HIVEP2: variants seen among roughly 807,000 people sequenced by gnomAD.
HIVEP2 encodes the protein HIVEP zinc finger 2.
In HIVEP2, 14 loss-of-function variants were observed where a neutral mutation model predicts 180.7. The ratio of observed to expected loss-of-function variants is 0.08; its 90% CI spans 0.05 to 0.12. The LOEUF is 0.12. Ranked by LOEUF, HIVEP2 falls within the 10% of genes least tolerant of loss-of-function variation. The pLI, the probability that HIVEP2 is intolerant of heterozygous loss-of-function variation, is 1.00. For missense variants in HIVEP2, 2,579 were observed against 3,008.5 expected (o/e 0.86, Z 3.34); for synonymous variants, 1,184 against 1,136.4 (o/e 1.04, Z -0.84).
At chr6:142,819,020 G>A (rs1776951173) in intron 2 of HIVEP2, among the ~76,000 whole-genome samples, 1 of 144,422 alleles carries the variant, frequency 6.9e-6, no homozygotes, top group African/African-American at 2.6e-5. Flanking sequence ...AGGGAAAGAA[G>A]GGAGGCAGGG....
chr6:142,843,059 C>T (rs1198452561), intron 1 of HIVEP2, among the ~76,000 whole-genome samples: 1 of 152,194 alleles, frequency 6.6e-6, no homozygotes, highest in Non-Finnish European at 1.5e-5. Context: ...AGGGCCTCTA[C>T]CCTTTCCCAA....
At chr6:142,935,295 C>G (rs183742446) in intron 1 of HIVEP2, among the ~76,000 whole-genome samples, 2 of 152,180 alleles carry the variant, frequency 1.3e-5, no homozygotes, top group African/African-American at 2.4e-5. Flanking sequence ...TGCCTGTAAT[C>G]CCCGCACTTT....
intron 1 of HIVEP2, among the ~76,000 whole-genome samples, chr6:142,903,692 T>TAACAA (rs1265974113): frequency 1.3e-5 from 2 of 152,190 alleles, no homozygotes; most frequent in Non-Finnish European, 2.9e-5. Flanking sequence ...ATATCAAGGT[T>TAACAA]AACAAAACAA....
At position 142,945,020 on chromosome 6, in the gene HIVEP2, G is replaced by C. The variant is rs979306715; in HGVS notation, c.-641+79C>G. 1 of 147,478 alleles carries C rather than the reference G, an allele frequency of 6.8e-6. No individual in the cohort carries two copies. Among genetic ancestry groups the C allele is most frequent in the Non-Finnish European group, 1.5e-5 (1 of 66,358 alleles). The allele number at this position is 147,478 out of a possible 1,614,324, so 9.1% of individuals were successfully genotyped here. A position where few individuals can be genotyped will look rare whatever the true frequency, so the allele number is the denominator to read the frequency against. The stretch of plus-strand genomic sequence containing the variant: ...GCGCCTTCGCTGCGCTCGCTCGGCC[G>C]CAGGCCGGCGGCCCGGGCCTCGCGC... On this transcript the variant is annotated intron_variant, in intron 1 of 9. Transcript: ENST00000367603. This position sits in a 1 kb window ranked among gnomAD's most constrained non-coding sequence, Gnocchi z 5.5.
At chr6:142,883,817 A>T (rs1272434012) in intron 1 of HIVEP2, among the ~76,000 whole-genome samples, 1 of 152,118 alleles carries the variant, frequency 6.6e-6, no homozygotes, top group Non-Finnish European at 1.5e-5. Flanking sequence ...ACTACTAATA[A>T]CTCAAAACTC....
At chr6:142,907,825 T>C (rs1339504291) in intron 1 of HIVEP2, among the ~76,000 whole-genome samples, 1 of 152,206 alleles carries the variant, frequency 6.6e-6, no homozygotes, top group Non-Finnish European at 1.5e-5. Flanking sequence ...TGTACTTTGA[T>C]GGCCTTAAAG....
intron 1 of HIVEP2, among the ~76,000 whole-genome samples, chr6:142,854,946 C>T (rs1161954247): frequency 6.6e-6 from 1 of 152,200 alleles, no homozygotes; most frequent in African/African-American, 2.4e-5. Flanking sequence ...GACTCCATGA[C>T]CCGGGCAAGG....
chr6:142,762,698 C>A (rs1347059934), intron 7 of HIVEP2, among the ~76,000 whole-genome samples: 1 of 152,148 alleles, frequency 6.6e-6, no homozygotes, highest in African/African-American at 2.4e-5. Flanking sequence ...ACAGTTTATT[C>A]CTCTGGTAGG....
rs112306239 is a variant in HIVEP2, at chr6:142,756,634, C to T, written c.6517-2703G>A. On this transcript the variant is annotated intron_variant, in intron 9 of 9. Transcript: ENST00000367603. ...CCTGGACACACCTTTGTTTCTCTTC[C>T]TGCTACCTATCTACAAAAGCTTTAA... Among the ~76,000 whole-genome samples the T allele has an allele frequency of 1.0e-2, 1,518 of 152,052 alleles. 6 individuals carry two copies. Among genetic ancestry groups the T allele is most frequent in the Non-Finnish European group, 0.016 (1,081 of 67,974 alleles).
chr6:142,832,338 T>C (rs1775110957), intron 2 of HIVEP2, among the ~76,000 whole-genome samples: 1 of 152,100 alleles, frequency 6.6e-6, no homozygotes, highest in Admixed American at 6.5e-5. Context: ...ACACAAGCAA[T>C]TTACAGTGCA....
In HIVEP2 at chr6:142,793,622, C is replaced by CCCTTTCTTTCCT. The variant is rs1776193782; in HGVS notation, c.-527-10008_-527-10007insAGGAAAGAAAGG. On this transcript the variant is annotated intron_variant, in intron 2 of 9. Transcript: ENST00000367603. ...CCCCTCCCACCTCCCATCCTTCCTTCTCTTTCTTTCTTTCTTTCTTTCTTT... is the reference window on the plus strand; with the variant it reads ...CCCCTCCCACCTCCCATCCTTCCTTCCCTTTCTTTCCTTCTTTCTTTCTTTCTTTCTTTCTTT... 6.0e-5 allele frequency among the ~76,000 whole-genome samples: 3 copies of CCCTTTCTTTCCT among 50,296 alleles called. 1 individual carries two copies. The highest frequency in any genetic ancestry group is 2.1e-4 in the African/African-American group (3 of 14,248). 33.0% of individuals were successfully genotyped at this position (50,296 alleles called of 152,430 possible). A position where few individuals can be genotyped will look rare whatever the true frequency, so the allele number is the denominator to read the frequency against.
chr6:142,755,001 A>AAGAT (rs1049946842), intron 9 of HIVEP2, among the ~76,000 whole-genome samples: 5 of 152,330 alleles, frequency 3.3e-5, no homozygotes, highest in Middle Eastern at 3.4e-3. Flanking sequence ...TTGAGAACCA[A>AAGAT]AGATAGATAG....
intron 2 of HIVEP2, among the ~76,000 whole-genome samples, chr6:142,836,701 C>T (rs527799389): frequency 2.0e-5 from 3 of 152,146 alleles, no homozygotes; most frequent in African/African-American, 7.2e-5. Context: ...AATCTGGTTT[C>T]GAACTATAAA....
At chr6:142,915,325 G>A (rs1411350571) in intron 1 of HIVEP2, among the ~76,000 whole-genome samples, 1 of 152,166 alleles carries the variant, frequency 6.6e-6, no homozygotes, top group East Asian at 1.9e-4. Context: ...TATCCAACAT[G>A]ACAGAAATGG....
At chr6:142,792,777 A>T (rs1776171459) in intron 2 of HIVEP2, among the ~76,000 whole-genome samples, 1 of 152,172 alleles carries the variant, frequency 6.6e-6, no homozygotes, top group Non-Finnish European at 1.5e-5. Context: ...AGAATGAATA[A>T]AAGAAAGTGG....
chr6:142,830,043 C>CA (rs1486786492), intron 2 of HIVEP2, among the ~76,000 whole-genome samples: 1 of 152,100 alleles, frequency 6.6e-6, no homozygotes, highest in Non-Finnish European at 1.5e-5. Context: ...TTCTGAAATT[C>CA]AAAAACTCCT....
chr6:142,804,609 T>C (rs553921273), intron 2 of HIVEP2, among the ~76,000 whole-genome samples: 2 of 152,234 alleles, frequency 1.3e-5, no homozygotes, highest in Admixed American at 1.3e-4. Context: ...AATGCCAGCA[T>C]ACTTCTGTCA....
At chr6:142,904,173 C>G (rs185904858) in intron 1 of HIVEP2, among the ~76,000 whole-genome samples, 1 of 152,116 alleles carries the variant, frequency 6.6e-6, no homozygotes, top group African/African-American at 2.4e-5. Context: ...TTGGCAAGTA[C>G]CTCCAAATGA....
In HIVEP2 at chr6:142,886,702, A is replaced by G. The variant is rs558048897; in HGVS notation, c.-640-49655T>C. Reference sequence around the variant, plus strand: ...AATTATTAGCCATAGAAATTTATCTATGATAGAATTTATCTCAGTGCTTAA... The same window carrying G: ...AATTATTAGCCATAGAAATTTATCTGTGATAGAATTTATCTCAGTGCTTAA... On this transcript the variant is annotated intron_variant, in intron 1 of 9. Transcript: ENST00000367603. Among the ~76,000 whole-genome samples the G allele has an allele frequency of 3.3e-5, 5 of 152,344 alleles. No individual in the cohort carries two copies. The East Asian group carries it at 9.6e-4, about 29-fold the overall frequency.
Sources: gnomAD v4.1 joint callset for allele counts (sites outside exome capture counted in the v4.1 genomes callset) on GRCh38, gnomAD v4.1.1 for gene constraint, Gnocchi (gnomAD v3.1) non-coding constraint, MANE v1.5 for transcripts, NCBI Gene and HGNC (gene_info 2026-07-23, HGNC 2026-07-21) for gene names.